The following CACNA2D3 variants were observed in gnomAD, a reference collection of about 807,000 sequenced individuals.
CACNA2D3 encodes the protein voltage-dependent calcium channel subunit alpha-2/delta-3.
A neutral mutation model predicts 160.6 loss-of-function variants in CACNA2D3; 60 were observed. The ratio of observed to expected loss-of-function variants is 0.37; its 90% confidence interval spans 0.30 to 0.46. The LOEUF (loss-of-function observed/expected upper bound fraction) is 0.46, where lower values mean the gene tolerates loss of function less well. Ranked by LOEUF, CACNA2D3 falls within the 20% of genes least tolerant of loss-of-function variation. CACNA2D3 has a pLI of 1.00. For missense variants in CACNA2D3, 1,205 were observed against 1,365.0 expected (o/e 0.88, Z 1.85); for synonymous variants, 558 against 492.9 (o/e 1.13, Z -1.75).
intron 27 of CACNA2D3, among the ~76,000 whole-genome samples, chr3:54,940,203 C>T (rs17054582): frequency 0.18 from 27,038 of 152,162 alleles, 3,198 homozygotes; most frequent in African/African-American, 0.34. Flanking sequence ...ACTTTTGAGA[C>T]ATGTGCACAG....
intron 13 of CACNA2D3, among the ~76,000 whole-genome samples, chr3:54,785,009 G>A (rs1702608494): frequency 6.6e-6 from 1 of 152,170 alleles, no homozygotes. Context: ...TTAGGATGGT[G>A]AGGTAGTTTA....
intron 2 of CACNA2D3, among the ~76,000 whole-genome samples, chr3:54,206,403 T>G (rs1701277616): frequency 6.6e-6 from 1 of 152,134 alleles, no homozygotes; most frequent in Admixed American, 6.5e-5. Flanking sequence ...AGACTAAAAC[T>G]CTATTGAGAT....
At chr3:54,448,690 C>T (rs1335276131) in intron 4 of CACNA2D3, among the ~76,000 whole-genome samples, 2 of 152,188 alleles carry the variant, frequency 1.3e-5, no homozygotes, top group African/African-American at 4.8e-5. Flanking sequence ...CACCAATACC[C>T]CATGATTAAA....
At chr3:54,221,450 A>T (rs1279029436) in intron 2 of CACNA2D3, among the ~76,000 whole-genome samples, 5 of 152,234 alleles carry the variant, frequency 3.3e-5, no homozygotes, top group Non-Finnish European at 7.3e-5. Context: ...TGAATGTCTA[A>T]CTGGTAGCTT....
chr3:54,393,094 C>G (rs910189082), intron 4 of CACNA2D3, among the ~76,000 whole-genome samples: 1 of 152,206 alleles, frequency 6.6e-6, no homozygotes, highest in African/African-American at 2.4e-5. Flanking sequence ...AGGATGGACG[C>G]ATAGAGAAGG....
chr3:54,682,442 A>G (rs1700370487), intron 11 of CACNA2D3, among the ~76,000 whole-genome samples: 1 of 152,088 alleles, frequency 6.6e-6, no homozygotes, highest in African/African-American at 2.4e-5. Flanking sequence ...CCTGGCCAAC[A>G]TGACGAAACC....
intron 9 of CACNA2D3, among the ~76,000 whole-genome samples, chr3:54,591,955 A>G (rs1702868228): frequency 1.3e-5 from 2 of 152,204 alleles, no homozygotes; most frequent in Admixed American, 1.3e-4. Context: ...TTCTTATGAC[A>G]GCCAAATACC....
At chr3:54,338,328 G>A (rs1575403258) in intron 3 of CACNA2D3, among the ~76,000 whole-genome samples, 1 of 152,332 alleles carries the variant, frequency 6.6e-6, no homozygotes, top group East Asian at 1.9e-4. Flanking sequence ...TGCCACATGT[G>A]TGCTCTTTTT....
Position 54,442,781 on chromosome 3 carries a change from G to A in CACNA2D3, c.381+56007G>A, listed in dbSNP as rs1054968709. ...GTGTCCATTCAATATGTGTGAACAG[G>A]CGAAGGGCCCTGCCTATGTACAGCA... On this transcript the variant is annotated intron_variant, in intron 4 of 37. Transcript: ENST00000474759. Among the ~76,000 whole-genome samples, 8 of 152,124 alleles carry A rather than the reference G, an allele frequency of 5.3e-5. No individual in the cohort carries two copies. In the East Asian group the frequency reaches 1.2e-3, roughly 22 times the overall value.
chr3:54,428,473 T>A (rs1262232234), intron 4 of CACNA2D3, among the ~76,000 whole-genome samples: 1 of 152,206 alleles, frequency 6.6e-6, no homozygotes, highest in East Asian at 1.9e-4. Context: ...CCACTAGATG[T>A]CGCTGATGAT....
At chr3:54,842,832 C>T (rs780010850) in intron 16 of CACNA2D3, among the ~76,000 whole-genome samples, 13 of 151,848 alleles carry the variant, frequency 8.6e-5, no homozygotes, top group Non-Finnish European at 1.8e-4. Flanking sequence ...AACTCCTAAC[C>T]TGAAGTGATC....
chr3:54,419,355 G>A (rs1479054065), intron 4 of CACNA2D3, among the ~76,000 whole-genome samples: 1 of 152,214 alleles, frequency 6.6e-6, no homozygotes, highest in Non-Finnish European at 1.5e-5. Flanking sequence ...TCCCTGTGCA[G>A]TCAGCCAGTT....
chr3:54,501,932 A>G (rs1309898076), intron 4 of CACNA2D3, among the ~76,000 whole-genome samples: 2 of 152,208 alleles, frequency 1.3e-5, no homozygotes, highest in African/African-American at 4.8e-5. Flanking sequence ...TTCTTTGAAC[A>G]CTTTTTAAGT....
intron 13 of CACNA2D3, among the ~76,000 whole-genome samples, chr3:54,801,335 A>G (rs962686426): frequency 2.6e-5 from 4 of 152,220 alleles, no homozygotes; most frequent in Admixed American, 2.0e-4. Context: ...GGGTGGTACA[A>G]TGAACATCAG....
intron 9 of CACNA2D3, among the ~76,000 whole-genome samples, chr3:54,585,230 ATT>A (rs1205040064): frequency 6.6e-6 from 1 of 152,222 alleles, no homozygotes; most frequent in Admixed American, 6.5e-5. Context: ...AGACAATTAT[ATT>A]TTAAAAGTGT....
chr3:54,957,673 C>T (rs561899596), intron 27 of CACNA2D3, among the ~76,000 whole-genome samples: 47 of 148,584 alleles, frequency 3.2e-4, no homozygotes, highest in African/African-American at 1.1e-3. Flanking sequence ...CTTTGGCAAA[C>T]TCAGGGGTTC....
In CACNA2D3 at chr3:54,719,296, C is replaced by T. The variant is rs144001958; in HGVS notation, c.1168-33303C>T. Among the ~76,000 whole-genome samples the T allele has an allele frequency of 1.1e-4, 16 of 151,526 alleles. No homozygotes were observed. In the East Asian group the frequency reaches 3.1e-3, roughly 29 times the overall value. ...AGTTTTACCATTAAGTCTTATGCTGCTTTTGATTTTCATACATATTCTTTT... is the reference window on the plus strand; with the variant it reads ...AGTTTTACCATTAAGTCTTATGCTGTTTTTGATTTTCATACATATTCTTTT... On this transcript the variant is annotated intron_variant, in intron 11 of 37. Coordinates refer to ENST00000474759, the MANE Select transcript of CACNA2D3 (RefSeq NM_018398.3).
intron 24 of CACNA2D3, among the ~76,000 whole-genome samples, chr3:54,888,308 C>G (rs189013232): frequency 2.0e-5 from 3 of 152,080 alleles, no homozygotes; most frequent in African/African-American, 7.2e-5. Flanking sequence ...GTGACACTTC[C>G]GAGAGAGAGG....
intron 4 of CACNA2D3, among the ~76,000 whole-genome samples, chr3:54,411,768 G>C (rs1375953253): frequency 6.6e-6 from 1 of 152,034 alleles, no homozygotes; most frequent in Non-Finnish European, 1.5e-5. Flanking sequence ...TTGTAATCCA[G>C]ACGTCATGCT....
Sources: allele counts gnomAD v4.1 joint callset (sites outside exome capture counted in the v4.1 genomes callset), GRCh38; gene constraint gnomAD v4.1.1; transcripts MANE v1.5; gene names NCBI Gene and HGNC (gene_info 2026-07-23, HGNC 2026-07-21).